Variants in WDR35 observed in about 807,000 individuals in gnomAD.
The protein encoded by WDR35 is WD repeat domain 35.
WDR35 carries 118 observed loss-of-function variants against 158.3 expected under a neutral mutation model. That is an observed-to-expected ratio of 0.75 (90% CI 0.64 to 0.87). The LOEUF is 0.87. WDR35 is among the 40% of genes least tolerant of loss of function. The pLI, the probability that WDR35 is intolerant of heterozygous loss-of-function variation, is 0.00. For missense variants in WDR35, 1,263 were observed against 1,405.8 expected (o/e 0.90, Z 1.62); for synonymous variants, 448 against 476.1 (o/e 0.94, Z 0.77).
intron 12 of WDR35, among the ~76,000 whole-genome samples, chr2:19,952,973 G>C (rs60914546): frequency 0.012 from 1,870 of 151,758 alleles, 37 homozygotes; most frequent in African/African-American, 0.043. Flanking sequence ...AGTCTTAAAG[G>C]AAAGGCAAGG....
intron 15 of WDR35, 23 bp downstream of exon 15, chr2:19,946,438 A>C (rs559842133): frequency 6.3e-7 from 1 of 1,580,112 alleles, no homozygotes; most frequent in East Asian, 2.2e-5. Context: ...TAACATCTAC[A>C]TGAGCAGAGT....
intron 8 of WDR35, among the ~76,000 whole-genome samples, 166 bp from the exon 9 acceptor site, chr2:19,969,771 G>A (rs1428690539): frequency 6.8e-6 from 1 of 146,944 alleles, no homozygotes; most frequent in Non-Finnish European, 1.5e-5. Context: ...TTTTTGAGAC[G>A]GAATTTCTCA....
intron 12 of WDR35, 47 bp from the exon 13 acceptor site, chr2:19,951,531 A>T (rs778359219): frequency 9.9e-6 from 14 of 1,414,920 alleles, no homozygotes; most frequent in Middle Eastern, 1.8e-4. Flanking sequence ...TATAGTTTAT[A>T]CTATTTCATA....
chr2:19,987,022 T>C (rs1394074955), intron 2 of WDR35, among the ~76,000 whole-genome samples: 1 of 152,200 alleles, frequency 6.6e-6, no homozygotes, highest in Non-Finnish European at 1.5e-5. Flanking sequence ...AATACTAAAA[T>C]TGGTTAAGCA....
At chr2:19,971,384 T>C (rs1207886061) in intron 8 of WDR35, among the ~76,000 whole-genome samples, 5 of 152,236 alleles carry the variant, frequency 3.3e-5, no homozygotes, top group South Asian at 2.1e-4. Flanking sequence ...ACTGCCATTA[T>C]ACAAAGGGGA....
At chr2:19,964,396 T>TTTTTTC (rs1558349180) in intron 10 of WDR35, among the ~76,000 whole-genome samples, 1 of 148,556 alleles carries the variant, frequency 6.7e-6, no homozygotes, top group African/African-American at 2.5e-5. Context: ...TTTTTTTTTT[T>TTTTTTC]CTTTGGAGAC....
chr2:19,941,829 T>C lies in WDR35; in HGVS notation c.1856A>G (p.Gln619Arg). ...AAAATTACAAATATATCCAGAGGTCTGAATGGGTTCCTTTAAAGACAAAAA... is the reference window on the plus strand; with the variant it reads ...AAAATTACAAATATATCCAGAGGTCCGAATGGGTTCCTTTAAAGACAAAAA... ...FRNLDPEEPI[Q>R]TSGYICNFED... is the part of the protein sequence containing the mutation. Residue 619 changes from glutamine (Q) to arginine (R), a missense_variant, in exon 17 of 27, where the codon CAG (glutamine) becomes CGG (arginine). By Grantham distance (43) the Gln-to-Arg change is conservative. Transcript: ENST00000281405. The C allele has an allele frequency of 1.3e-6, 2 of 1,572,854 alleles. No homozygotes were observed. Among genetic ancestry groups the C allele is most frequent in the Non-Finnish European group, 1.7e-6 (2 of 1,151,758 alleles).
At chr2:19,915,546 T>C (rs1669963819) in intron 25 of WDR35, among the ~76,000 whole-genome samples, 1 of 152,096 alleles carries the variant, frequency 6.6e-6, no homozygotes, top group South Asian at 2.1e-4. Flanking sequence ...AAATTGAATA[T>C]GATACAGCTA....
In WDR35 at chr2:19,954,087, T is replaced by C. The variant is rs545586812; in HGVS notation, c.1256-109A>G. ...GTTCAACCCCTCATTTTATAGACAA[T>C]ATACCCCCACATAGTCTCAAAATAC... On this transcript the variant is annotated intron_variant, in intron 11 of 26. Coordinates refer to ENST00000281405, the MANE Select transcript of WDR35 (RefSeq NM_020779.4). 1.8e-5 allele frequency: 22 copies of C among 1,244,328 alleles called. No individual in the cohort carries two copies. The East Asian group carries it at 4.5e-4, about 26-fold the overall frequency. The allele number at this position is 1,244,328 out of a possible 1,614,324, so 77.1% of individuals were successfully genotyped here.
chr2:19,989,424 G>T (rs1672676868), intron 1 of WDR35, 142 bp from the exon 2 acceptor site: 13 of 784,118 alleles, frequency 1.7e-5, no homozygotes, highest in Non-Finnish European at 2.9e-5. Flanking sequence ...TTGTGAAAAT[G>T]GGCATGGTCC....
intron 14 of WDR35, among the ~76,000 whole-genome samples, chr2:19,947,457 GCAATAACC>G (rs1671095314): frequency 6.6e-6 from 1 of 152,106 alleles, no homozygotes; most frequent in Admixed American, 6.5e-5. Flanking sequence ...TAATTCAAAT[GCAATAACC>G]CCAGCAGCAT....
intron 11 of WDR35, among the ~76,000 whole-genome samples, chr2:19,959,508 T>C (rs1209178071): frequency 2.0e-5 from 3 of 151,980 alleles, no homozygotes; most frequent in African/African-American, 7.2e-5. Context: ...ATATAAAACA[T>C]ATAAACATGC....
chr2:19,982,571 G>A, intron 2 of WDR35, 37 bp from the exon 3 acceptor site: 1 of 1,598,022 alleles, frequency 6.3e-7, no homozygotes, highest in East Asian at 2.2e-5. Flanking sequence ...TGATAAATAT[G>A]TAAAAGTGAC....
At chr2:19,960,322 T>G (rs1671598956) in intron 11 of WDR35, among the ~76,000 whole-genome samples, 1 of 152,124 alleles carries the variant, frequency 6.6e-6, no homozygotes, top group African/African-American at 2.4e-5. Context: ...TTAGATAGAC[T>G]AACCTTATAA....
At chr2:19,922,623 G>A (rs1357789390) in intron 25 of WDR35, among the ~76,000 whole-genome samples, 2 of 152,012 alleles carry the variant, frequency 1.3e-5, no homozygotes, top group South Asian at 2.1e-4. Context: ...TGTAGATGAC[G>A]GGTTGATGGG....
At chr2:19,987,836 A>C (rs981843134) in intron 2 of WDR35, among the ~76,000 whole-genome samples, 11 of 151,508 alleles carry the variant, frequency 7.3e-5, no homozygotes, top group Non-Finnish European at 1.3e-4. Context: ...AAAAAAAAAA[A>C]AAAAAAAAAA....
In WDR35 at chr2:19,979,002, C is replaced by T. The variant is rs1672302091; in HGVS notation, c.308-123G>A. The T allele has an allele frequency of 2.4e-6, 3 of 1,229,260 alleles. No homozygotes were observed. The East Asian group carries it at 7.5e-5, about 31-fold the overall frequency. 76.1% of individuals were successfully genotyped at this position (1,229,260 alleles called of 1,614,324 possible). ...AAATAACTGCAAAGTTTTCTACAAC[C>T]TGAGACATTAAACTATAAAACTTCC... On this transcript the variant is annotated intron_variant, in intron 4 of 26. Transcript: ENST00000281405.
At chr2:19,967,653 C>A (rs1465196430) in intron 9 of WDR35, among the ~76,000 whole-genome samples, 5 of 151,676 alleles carry the variant, frequency 3.3e-5, no homozygotes, top group African/African-American at 4.8e-5. Context: ...TTGTGTTTAC[C>A]ATTCAAACAA....
chr2:19,948,284 T>C (rs1328147863), intron 13 of WDR35, 67 bp from the exon 14 acceptor site: 3 of 1,385,132 alleles, frequency 2.2e-6, no homozygotes, highest in Non-Finnish European at 3.0e-6. Context: ...TGGTACAACG[T>C]AGTATGCAAT....
Sources: gnomAD v4.1 joint callset for allele counts (sites outside exome capture counted in the v4.1 genomes callset) on GRCh38, gnomAD v4.1.1 for gene constraint, MANE v1.5 for transcripts, NCBI Gene and HGNC (gene_info 2026-07-23, HGNC 2026-07-21) for gene names.